Variants in SVOPL observed in about 807,000 individuals in gnomAD.
SVOPL encodes putative transporter SVOPL.
In SVOPL, 60 loss-of-function variants were observed where a neutral mutation model predicts 61.0. The ratio of observed to expected loss-of-function variants is 0.98; its 90% CI spans 0.80 to 1.22. SVOPL has a LOEUF of 1.22. Ranked by LOEUF, SVOPL falls within the 50% of genes most tolerant of loss-of-function variation. The pLI, the probability that SVOPL is intolerant of heterozygous loss-of-function variation, is 0.00. For missense variants in SVOPL, 662 were observed against 643.9 expected, an observed-to-expected ratio of 1.03 and a Z score of -0.30; for synonymous variants, 279 against 250.0, an observed-to-expected ratio of 1.12 and a Z score of -1.09.
intron 14 of SVOPL, chr7:138,597,282 A>G (rs904500968): frequency 4.9e-6 from 6 of 1,228,950 alleles, no homozygotes; most frequent in Non-Finnish European, 6.4e-6. Context: ...TATAATTTAG[A>G]AAGACCTAGA....
intron 9 of SVOPL, among the ~76,000 whole-genome samples, chr7:138,635,519 C>T (rs921868644): frequency 5.9e-5 from 9 of 151,468 alleles, no homozygotes; most frequent in Non-Finnish European, 1.2e-4. Context: ...ATTACAGGTG[C>T]GAACCACCAC....
Position 138,649,153 on chromosome 7 carries a change from T to G in SVOPL, c.535-16A>C, listed in dbSNP as rs1277245959. On this transcript the variant is annotated splice_polypyrimidine_tract_variant and intron_variant, in intron 7 of 15. Coordinates refer to ENST00000674285, the MANE Select transcript of SVOPL (RefSeq NM_001139456.2). The stretch of plus-strand genomic sequence containing the variant: ...GCCAGAACACCTAGGAAGAGAGAAG[T>G]CCAGGATTAAAGTTCTTTGGGGAAT... 1 of 1,582,560 alleles carries G rather than the reference T, an allele frequency of 6.3e-7. No homozygotes were observed. Among genetic ancestry groups the G allele is most frequent in the Non-Finnish European group, 8.6e-7 (1 of 1,166,074 alleles).
chr7:138,650,184 C>T (rs141441999), intron 7 of SVOPL, among the ~76,000 whole-genome samples: 2,020 of 152,098 alleles, frequency 0.013, 19 homozygotes, highest in Middle Eastern at 0.027. Flanking sequence ...AATTTTTTAA[C>T]GGATGGATTA....
chr7:138,629,125 A>ATGTGTGTGTGTG (rs1159184418), intron 10 of SVOPL, among the ~76,000 whole-genome samples: 37 of 64,196 alleles, frequency 5.8e-4, no homozygotes, highest in African/African-American at 2.9e-3. Context: ...CATGTTTTAT[A>ATGTGTGTGTGTG]TATGTGTGTG....
intron 14 of SVOPL, among the ~76,000 whole-genome samples, chr7:138,615,464 G>A (rs1158832565): frequency 6.6e-6 from 1 of 150,978 alleles, no homozygotes; most frequent in Non-Finnish European, 1.5e-5. Flanking sequence ...GGCTGAGGCA[G>A]GAGAATGGCG....
At chr7:138,664,641 C>T (rs1442065623) in intron 4 of SVOPL, among the ~76,000 whole-genome samples, 1 of 150,036 alleles carries the variant, frequency 6.7e-6, no homozygotes, top group East Asian at 2.0e-4. Flanking sequence ...CTCCAGCACC[C>T]CCGATCCTCC....
rs578159844 is a variant in SVOPL at position 138,625,769 on chromosome 7, T to TC, written c.1263+199dup. ...ATTTAAAGAAAGGAAAAAGATCCTA[T>TC]CTTCCAGAGATTGGCTTTCAATAGA... is the stretch of plus-strand genomic sequence containing the variant. On this transcript the variant is annotated intron_variant, in intron 13 of 15. Coordinates refer to ENST00000674285, the MANE Select transcript of SVOPL (RefSeq NM_001139456.2). Among the ~76,000 whole-genome samples, 341 of 152,332 alleles carry TC rather than the reference T, an allele frequency of 2.2e-3. 3 individuals carry two copies. The highest frequency in any genetic ancestry group is 8.0e-3 in the African/African-American group (334 of 41,578).
At chr7:138,665,660 T>C (rs1802233834) in intron 4 of SVOPL, among the ~76,000 whole-genome samples, 1 of 152,218 alleles carries the variant, frequency 6.6e-6, no homozygotes, top group Admixed American at 6.5e-5. Context: ...AATTTTGTAG[T>C]GCAGGTGCAA....
rs1206993292 is a variant in SVOPL at position 138,596,537 on chromosome 7, G to A, written c.1354-7C>T. On this transcript the variant is annotated splice_region_variant and splice_polypyrimidine_tract_variant and intron_variant, in intron 14 of 15. Coordinates refer to ENST00000674285, the MANE Select transcript of SVOPL (RefSeq NM_001139456.2). ...TTGATGCACTCATAAGAACCTGCAAGTCACAAGAGAATTACTCAATTTATT... is the reference window on the plus strand; with the variant it reads ...TTGATGCACTCATAAGAACCTGCAAATCACAAGAGAATTACTCAATTTATT... The A allele has an allele frequency of 6.2e-7, 1 of 1,612,856 alleles. No individual in the cohort carries two copies. The highest frequency in any genetic ancestry group is 1.3e-5 in the African/African-American group (1 of 74,870).
chr7:138,628,264 C>T lies in SVOPL; in HGVS notation c.963G>A (p.Val321=). 6.2e-7 allele frequency: 1 copy of T among 1,614,174 alleles called. No individual in the cohort carries two copies. Among genetic ancestry groups the T allele is most frequent in the Non-Finnish European group, 8.5e-7 (1 of 1,180,038 alleles). ...TCTCCCCTGAGTCCCCCCCAGTCAC[C>T]ACCACCGCAGAGTCTGACTTTGAAC... ...VCGSKSDSAV[V]VTGGDSGESQ... is the part of the protein sequence containing the mutation. Residue 321 remains valine, a synonymous_variant, in exon 11 of 16, where the codon GTG becomes GTA. Coordinates refer to ENST00000674285, the MANE Select transcript of SVOPL (RefSeq NM_001139456.2).
At chr7:138,604,784 T>C (rs528639755) in intron 14 of SVOPL, among the ~76,000 whole-genome samples, 84 of 147,894 alleles carry the variant, frequency 5.7e-4, no homozygotes, top group African/African-American at 2.0e-3. Context: ...ATTAGTGCAA[T>C]GGAAATAAAA....
intron 3 of SVOPL, among the ~76,000 whole-genome samples, chr7:138,677,126 G>T (rs1323818993): frequency 6.6e-6 from 1 of 151,936 alleles, no homozygotes; most frequent in African/African-American, 2.4e-5. Flanking sequence ...GGATGGTCTC[G>T]ATATCCTGAC....
chr7:138,663,334 G>A, intron 4 of SVOPL, 189 bp from the exon 5 acceptor site: 1 of 1,431,622 alleles, frequency 7.0e-7, no homozygotes, highest in Non-Finnish European at 9.1e-7. Flanking sequence ...CTCCCTGTTG[G>A]TGGGAGCCTA....
Position 138,648,467 on chromosome 7 carries a change from C to T in SVOPL, c.660+545G>A, listed in dbSNP as rs191318421. 8.2e-3 allele frequency among the ~76,000 whole-genome samples: 1,181 copies of T among 144,052 alleles called. 9 individuals are homozygous for T. The highest frequency in any genetic ancestry group is 0.025 in the Admixed American group (345 of 13,586). 94.5% of individuals were successfully genotyped at this position (144,052 alleles called of 152,430 possible). Reference sequence around the variant, plus strand: ...TGCTAATAATAGCACTTTGGGAGGCCGAGGCGGGTGGATCATGAGGTCAGG... The same window carrying T: ...TGCTAATAATAGCACTTTGGGAGGCTGAGGCGGGTGGATCATGAGGTCAGG... On this transcript the variant is annotated intron_variant, in intron 8 of 15. Transcript: ENST00000674285.
At chr7:138,601,267 A>AC (rs1314339281) in intron 14 of SVOPL, among the ~76,000 whole-genome samples, 1 of 151,356 alleles carries the variant, frequency 6.6e-6, no homozygotes, top group African/African-American at 2.4e-5. Context: ...AAAAAAAAAA[A>AC]AAGAAAAGAA....
intron 9 of SVOPL, among the ~76,000 whole-genome samples, chr7:138,639,495 C>T (rs767796348): frequency 1.9e-4 from 29 of 151,546 alleles, no homozygotes; most frequent in Non-Finnish European, 3.8e-4. Flanking sequence ...GGCGTGGTGG[C>T]GGGTGCCTGT....
At position 138,672,003 on chromosome 7, in the gene SVOPL, G is replaced by A; in HGVS notation, c.273+16C>T. 1 of 1,550,614 alleles carries A rather than the reference G, an allele frequency of 6.4e-7. No individual in the cohort carries two copies. Among genetic ancestry groups the A allele is most frequent in the Non-Finnish European group, 8.7e-7 (1 of 1,146,040 alleles). ...CCTCAGTTGCTGTGTTCACGGCACA[G>A]GGAGCAGGTACTTACCGTGGTTACT... On this transcript the variant is annotated intron_variant, in intron 4 of 15. Coordinates refer to ENST00000674285, the MANE Select transcript of SVOPL (RefSeq NM_001139456.2).
intron 1 of SVOPL, among the ~76,000 whole-genome samples, chr7:138,697,604 C>A: frequency 9.3e-6 from 1 of 107,040 alleles, no homozygotes. Flanking sequence ...AGAGGCAGAC[C>A]CTGCCTCAAA....
At chr7:138,672,440 G>A (rs766266403) in intron 3 of SVOPL, among the ~76,000 whole-genome samples, 1 of 152,128 alleles carries the variant, frequency 6.6e-6, no homozygotes, top group Non-Finnish European at 1.5e-5. Flanking sequence ...CCATAGCTAA[G>A]GGGTGAAACT....
Sources: gnomAD v4.1 joint callset for allele counts (sites outside exome capture counted in the v4.1 genomes callset) on GRCh38, gnomAD v4.1.1 for gene constraint, MANE v1.5 for transcripts, NCBI Gene and HGNC (gene_info 2026-07-23, HGNC 2026-07-21) for gene names.